The following SLC6A5 variants were observed in gnomAD, a reference collection of about 807,000 sequenced individuals.
The protein encoded by SLC6A5 is sodium- and chloride-dependent glycine transporter 2.
A neutral mutation model predicts 90.5 loss-of-function variants in SLC6A5; 58 were observed. That is an observed-to-expected ratio of 0.64 (90% CI 0.52 to 0.80). The LOEUF (loss-of-function observed/expected upper bound fraction) is 0.80, where lower values mean the gene tolerates loss of function less well. SLC6A5 is among the 30% of genes least tolerant of loss of function. The probability of loss-of-function intolerance (pLI) is 0.00; values close to 1 mark genes in which losing one functional copy is unlikely to be tolerated. For synonymous variants in SLC6A5, 427 were observed against 401.4 expected (o/e 1.06, Z -0.76); for missense variants, 1,015 against 1,017.6 (o/e 1.00, Z 0.03).
chr11:20,601,184 C>T lies in SLC6A5; in HGVS notation c.59C>T (p.Ala20Val), dbSNP rs200496125. 6.7e-4 allele frequency: 1,063 copies of T among 1,587,754 alleles called. No homozygotes were observed. Among genetic ancestry groups the T allele is most frequent in the Non-Finnish European group, 8.7e-4 (1,019 of 1,175,110 alleles). Residue 20 changes from alanine to valine, a missense_variant, in exon 2 of 16, where the codon GCG (alanine) becomes GTG (valine). Ala to Val is a moderately conservative substitution (Grantham distance 64). Transcript: ENST00000525748. ...NKLPANSPEA[A>V]AAQGHPDGPC... ...CTGCCAGCCAACAGCCCGGAGGCGG[C>T]GGCGGCGCAGGGCCACCCGGATGGC...
intron 13 of SLC6A5, among the ~76,000 whole-genome samples, chr11:20,639,052 C>G (rs1853263624): frequency 6.6e-6 from 1 of 152,124 alleles, no homozygotes; most frequent in Non-Finnish European, 1.5e-5. Flanking sequence ...TGCAATATCT[C>G]AATCTCAGAT....
chr11:20,609,283 A>ATTT (rs35256884), intron 5 of SLC6A5, among the ~76,000 whole-genome samples: 2 of 145,448 alleles, frequency 1.4e-5, no homozygotes, highest in African/African-American at 5.0e-5. Flanking sequence ...TTAATTTTTA[A>ATTT]TTTTTTTTTT....
At position 20,601,674 on chromosome 11, in the gene SLC6A5, G is replaced by A. The variant is rs1344608019; in HGVS notation, c.540+9G>A. 6.2e-7 allele frequency: 1 copy of A among 1,612,220 alleles called. No homozygotes were observed. Among genetic ancestry groups the A allele is most frequent in the African/African-American group, 1.3e-5 (1 of 75,036 alleles). ...CCACCGTTGCCACCCAGGTAAGCAG[G>A]TTGCATTACGGCCCGCACAGTGTCC... On this transcript the variant is annotated intron_variant, in intron 2 of 15. Coordinates refer to ENST00000525748, the MANE Select transcript of SLC6A5 (RefSeq NM_004211.5).
intron 5 of SLC6A5, among the ~76,000 whole-genome samples, chr11:20,608,922 G>GTCTGTCTCTC (rs1417860386): frequency 1.5e-5 from 2 of 131,664 alleles, no homozygotes; most frequent in African/African-American, 5.6e-5. Flanking sequence ...CTGTCTGTCT[G>GTCTGTCTCTC]TCTCTCTCTC....
At position 20,657,476 on chromosome 11, in the gene SLC6A5, T is replaced by G. The variant is rs1853651399; in HGVS notation, c.*2608T>G. On this transcript the variant is annotated 3_prime_UTR_variant, in exon 16 of 16. Transcript: ENST00000525748. Reference sequence around the variant, plus strand: ...ACACGCTTAGGTGAAAGGTTCCAAATTTACCTGGAAATGGTTACCTTGTAA... The same window carrying G: ...ACACGCTTAGGTGAAAGGTTCCAAAGTTACCTGGAAATGGTTACCTTGTAA... 1 of 152,146 alleles carries G rather than the reference T, an allele frequency of 6.6e-6. No individual in the cohort carries two copies. The highest frequency in any genetic ancestry group is 2.4e-5 in the African/African-American group (1 of 41,436). 9.4% of individuals were successfully genotyped at this position (152,146 alleles called of 1,614,324 possible).
intron 8 of SLC6A5, among the ~76,000 whole-genome samples, chr11:20,627,294 A>C (rs1424531142): frequency 6.6e-6 from 1 of 152,224 alleles, no homozygotes. Context: ...GCACAAGCTG[A>C]ACTTTGTCTT....
intron 13 of SLC6A5, among the ~76,000 whole-genome samples, chr11:20,640,107 C>A (rs1477410624): frequency 6.6e-6 from 1 of 152,174 alleles, no homozygotes; most frequent in Non-Finnish European, 1.5e-5. Context: ...CAAAAAGAAG[C>A]CTCCAAGGTC....
chr11:20,644,562 C>T (rs1853373707), intron 13 of SLC6A5, among the ~76,000 whole-genome samples: 1 of 152,196 alleles, frequency 6.6e-6, no homozygotes, highest in African/African-American at 2.4e-5. Flanking sequence ...GATGTCACAT[C>T]CTTTGGATAT....
chr11:20,614,811 A>G lies in SLC6A5; in HGVS notation c.1118A>G (p.Glu373Gly), dbSNP rs747469002. 5.6e-6 allele frequency: 9 copies of G among 1,613,196 alleles called. No individual in the cohort carries two copies. The highest frequency in any genetic ancestry group is 7.6e-6 in the Non-Finnish European group (9 of 1,179,074). Reference protein sequence around the residue: ...ANKTFVSGSEEYFKYFVLKIS... With the variant: ...ANKTFVSGSEGYFKYFVLKIS... Reference sequence around the variant, plus strand: ...AAGACATTTGTCAGTGGAAGTGAAGAGTACTTCAAGTAAGATGACTTTCTT... The same window carrying G: ...AAGACATTTGTCAGTGGAAGTGAAGGGTACTTCAAGTAAGATGACTTTCTT... Residue 373 changes from glutamate to glycine, a missense_variant, in exon 6 of 16, where the codon GAG becomes GGG. This residue lies in a region of SLC6A5 where 567 missense variants were observed against 507.3 expected (regional missense o/e 1.12). Coordinates refer to ENST00000525748, the MANE Select transcript of SLC6A5 (RefSeq NM_004211.5).
rs769717399 is a variant in SLC6A5 at position 20,601,667 on chromosome 11, T to C, written c.540+2T>C. ...AGCGTGGCCACCGTTGCCACCCAGG[T>C]AAGCAGGTTGCATTACGGCCCGCAC... On this transcript the variant is annotated splice_donor_variant, in intron 2 of 15. Transcript: ENST00000525748. LOFTEE classifies it high-confidence loss of function. 1 of 1,612,982 alleles carries C rather than the reference T, an allele frequency of 6.2e-7. No homozygotes were observed. Among genetic ancestry groups the C allele is most frequent in the African/African-American group, 1.3e-5 (1 of 74,900 alleles).
At chr11:20,641,018 A>G (rs1212574404) in intron 13 of SLC6A5, among the ~76,000 whole-genome samples, 1 of 152,214 alleles carries the variant, frequency 6.6e-6, no homozygotes, top group East Asian at 1.9e-4. Flanking sequence ...TATTAGATTG[A>G]AACAGTTGTT....
At position 20,627,053 on chromosome 11, in the gene SLC6A5, G is replaced by A. The variant is rs148825278; in HGVS notation, c.1395+211G>A. On this transcript the variant is annotated intron_variant, in intron 8 of 15. Transcript: ENST00000525748. Reference sequence around the variant, plus strand: ...TTCCTGGAATAGTTGTCCTACATCTGGGGTTATAGTAGAGGCCGAAAATGA... The same window carrying A: ...TTCCTGGAATAGTTGTCCTACATCTAGGGTTATAGTAGAGGCCGAAAATGA... Among the ~76,000 whole-genome samples, 39 of 152,284 alleles carry A rather than the reference G, an allele frequency of 2.6e-4. No individual in the cohort carries two copies. The East Asian group carries it at 7.5e-3, about 29-fold the overall frequency.
intron 14 of SLC6A5, among the ~76,000 whole-genome samples, chr11:20,647,712 A>G (rs1022954450): frequency 6.6e-6 from 1 of 152,152 alleles, no homozygotes; most frequent in Non-Finnish European, 1.5e-5. Context: ...AGGAAACGGA[A>G]GCCCAGAGTT....
At chr11:20,611,060 C>G (rs549790420) in intron 5 of SLC6A5, among the ~76,000 whole-genome samples, 63 of 152,306 alleles carry the variant, frequency 4.1e-4, no homozygotes, top group Non-Finnish European at 8.2e-4. Flanking sequence ...CCCATTGTTC[C>G]TATAGATGAG....
chr11:20,620,603 T>C (rs901985980), intron 7 of SLC6A5, among the ~76,000 whole-genome samples: 7 of 152,180 alleles, frequency 4.6e-5, no homozygotes, highest in Non-Finnish European at 1.5e-5. Context: ...TGTTGAACAC[T>C]GTGTGCCAGG....
At chr11:20,618,877 C>A (rs576540910) in intron 7 of SLC6A5, among the ~76,000 whole-genome samples, 2 of 151,544 alleles carry the variant, frequency 1.3e-5, no homozygotes, top group Non-Finnish European at 2.9e-5. Context: ...GCGGAGATTG[C>A]GGTGAGCTAA....
intron 5 of SLC6A5, among the ~76,000 whole-genome samples, chr11:20,611,789 G>T (rs1852699341): frequency 6.7e-6 from 1 of 149,696 alleles, no homozygotes. Flanking sequence ...AAAACAAGGT[G>T]TCAATCCCCA....
At chr11:20,636,724 G>GA (rs1360551211) in intron 11 of SLC6A5, among the ~76,000 whole-genome samples, 1 of 152,174 alleles carries the variant, frequency 6.6e-6, no homozygotes. Flanking sequence ...TTTAGGGCTG[G>GA]ATAAAGAATA....
chr11:20,644,847 G>A (rs1052927292), intron 13 of SLC6A5, among the ~76,000 whole-genome samples: 2 of 150,748 alleles, frequency 1.3e-5, no homozygotes, highest in Non-Finnish European at 3.0e-5. Context: ...GTTTCGCTCT[G>A]GTTGCCCAGG....
Sources: allele counts gnomAD v4.1 joint callset (sites outside exome capture counted in the v4.1 genomes callset), GRCh38; gene constraint gnomAD v4.1.1; regional missense constraint gnomAD v4.1.1; transcripts MANE v1.5; gene names NCBI Gene and HGNC (gene_info 2026-07-23, HGNC 2026-07-21).